Variants in KATNIP observed in about 807,000 individuals in gnomAD.
KATNIP encodes katanin interacting protein.
Under a neutral mutation model 174.0 loss-of-function variants are expected in KATNIP, and 126 were observed. The observed-to-expected ratio is 0.72, with a 90% CI of 0.63 to 0.84. The LOEUF (loss-of-function observed/expected upper bound fraction) is 0.84. Ranked by LOEUF, KATNIP falls within the 40% of genes least tolerant of loss-of-function variation. KATNIP has a pLI of 0.00. For missense variants in KATNIP, 1,958 were observed against 2,109.7 expected, an observed-to-expected ratio of 0.93 and a Z score of 1.41; for synonymous variants, 810 against 835.7, an observed-to-expected ratio of 0.97 and a Z score of 0.53.
Position 27,682,499 on chromosome 16 carries a change from G to A in KATNIP, c.940+969G>A, listed in dbSNP as rs534817824. On this transcript the variant is annotated intron_variant, in intron 8 of 27. Transcript: ENST00000261588. ...CTGGGGAGGATGCGAGGTGACCAAG[G>A]AAGAGACCAGGTGGTTCAAGATGTA... Among the ~76,000 whole-genome samples, 5 of 152,306 alleles carry A rather than the reference G, an allele frequency of 3.3e-5. No individual in the cohort carries two copies. The East Asian group carries it at 9.6e-4, about 29-fold the overall frequency.
At chr16:27,704,536 A>G (rs1415493393) in intron 12 of KATNIP, among the ~76,000 whole-genome samples, 3 of 152,214 alleles carry the variant, frequency 2.0e-5, no homozygotes, top group Non-Finnish European at 4.4e-5. Context: ...CACCCCACAG[A>G]ACTAAAAAGC....
intron 18 of KATNIP, chr16:27,755,004 C>T: frequency 6.6e-6 from 1 of 152,548 alleles, no homozygotes. Flanking sequence ...TCAGCCCCTC[C>T]CCGTCCTGGG....
chr16:27,761,601 A>G lies in KATNIP; in HGVS notation c.3809+11A>G, dbSNP rs201508272. 15 of 1,608,344 alleles carry G rather than the reference A, an allele frequency of 9.3e-6. No homozygotes were observed. The Admixed American group carries it at 2.3e-4, about 25-fold the overall frequency. ...CCGGGCCCTGGACAAGTAAGTGTCT[A>G]TCAGAAGCTTTACTTTCATGCCCAC... On this transcript the variant is annotated intron_variant, in intron 19 of 27. Coordinates refer to ENST00000261588, the MANE Select transcript of KATNIP (RefSeq NM_015202.5).
chr16:27,619,855 A>G (rs933965085), intron 3 of KATNIP, among the ~76,000 whole-genome samples: 3 of 152,090 alleles, frequency 2.0e-5, no homozygotes, highest in South Asian at 2.1e-4. Flanking sequence ...CCATCCCCAC[A>G]TCAACCTCAA....
chr16:27,604,245 C>T (rs949274873), intron 2 of KATNIP, among the ~76,000 whole-genome samples: 1 of 152,002 alleles, frequency 6.6e-6, no homozygotes, highest in South Asian at 2.1e-4. Flanking sequence ...ACTACAGGCA[C>T]ATGCCATCAT....
At chr16:27,561,413 G>A (rs779978984) in intron 1 of KATNIP, among the ~76,000 whole-genome samples, 3 of 152,054 alleles carry the variant, frequency 2.0e-5, no homozygotes, top group East Asian at 3.9e-4. Flanking sequence ...CCTGTTCCCC[G>A]CAGCTGCTTC....
In KATNIP at chr16:27,740,738, G is replaced by T. The variant is rs1419802675; in HGVS notation, c.2441G>T (p.Trp814Leu). The T allele has an allele frequency of 4.3e-6, 7 of 1,614,052 alleles. No homozygotes were observed. The highest frequency in any genetic ancestry group is 5.9e-6 in the Non-Finnish European group (7 of 1,180,036). The change falls in exon 15 of 28, where the codon TGG becomes TTG. Residue 814 changes from tryptophan (W) to leucine (L), a missense_variant. Trp to Leu is a moderately conservative substitution (Grantham distance 61). Transcript: ENST00000261588. ...RDKGLRHEPG[W>L]GTSRSVNTKE... The stretch of plus-strand genomic sequence containing the variant: ...AAAGGCCTACGGCATGAGCCAGGGT[G>T]GGGGACCAGCCGGAGTGTCAACACC...
intron 5 of KATNIP, among the ~76,000 whole-genome samples, chr16:27,642,777 T>C (rs2076841178): frequency 6.6e-6 from 1 of 150,630 alleles, no homozygotes; most frequent in Non-Finnish European, 1.5e-5. Flanking sequence ...AAATTTTTTT[T>C]TTTTTTTTTT....
rs1002950106 is a variant in KATNIP at position 27,780,334 on chromosome 16, C to T, written c.*1705C>T. 1 of 152,056 alleles carries T rather than the reference C, an allele frequency of 6.6e-6. No homozygotes were observed. Among genetic ancestry groups the T allele is most frequent in the African/African-American group, 2.4e-5 (1 of 41,382 alleles). 9.4% of individuals were successfully genotyped at this position (152,056 alleles called of 1,614,324 possible). On this transcript the variant is annotated 3_prime_UTR_variant, in exon 28 of 28. Transcript: ENST00000261588. ...TCTAAAATAAATTTCTATTTTTTTCCTCTTGCAAAATTAATAAAAGATGTT... is the reference window on the plus strand; with the variant it reads ...TCTAAAATAAATTTCTATTTTTTTCTTCTTGCAAAATTAATAAAAGATGTT...
At chr16:27,706,526 G>A (rs1445742367) in intron 12 of KATNIP, among the ~76,000 whole-genome samples, 4 of 152,318 alleles carry the variant, frequency 2.6e-5, no homozygotes, top group Non-Finnish European at 2.9e-5. Context: ...CAGGGGCCAG[G>A]AACTTCCCAG....
intron 11 of KATNIP, 53 bp downstream of exon 11, chr16:27,701,748 G>A (rs1039360698): frequency 8.9e-6 from 11 of 1,231,468 alleles, no homozygotes; most frequent in Non-Finnish European, 1.3e-5. Context: ...GCAGCCATGG[G>A]GATCTTCTTC....
At chr16:27,684,371 T>A (rs1486398982) in intron 8 of KATNIP, among the ~76,000 whole-genome samples, 2 of 152,272 alleles carry the variant, frequency 1.3e-5, no homozygotes, top group East Asian at 3.9e-4. Context: ...TAAACTATTA[T>A]TTGCTTAATT....
intron 1 of KATNIP, among the ~76,000 whole-genome samples, chr16:27,563,510 T>A (rs1027912395): frequency 6.6e-6 from 1 of 151,430 alleles, no homozygotes; most frequent in African/African-American, 2.4e-5. Flanking sequence ...AGAGCAAGGT[T>A]CCTTCTCTAA....
intron 15 of KATNIP, among the ~76,000 whole-genome samples, chr16:27,744,719 C>T (rs949478282): frequency 6.6e-6 from 1 of 151,726 alleles, no homozygotes; most frequent in Non-Finnish European, 1.5e-5. Flanking sequence ...ACCGTCTCTA[C>T]TAAAAATACA....
rs541480304 is a variant in KATNIP at position 27,597,865 on chromosome 16, A to G, written c.64-20560A>G. On this transcript the variant is annotated intron_variant, in intron 2 of 27. Transcript: ENST00000261588. ...TAGAGCAAAGCACAGGGAAGGGGCT[A>G]TGGGTTGGAAGGTGGGACCAGGAAG... Among the ~76,000 whole-genome samples, 4 of 152,222 alleles carry G rather than the reference A, an allele frequency of 2.6e-5. No homozygotes were observed. The East Asian group carries it at 5.8e-4, about 22-fold the overall frequency.
chr16:27,575,868 G>T (rs1211457324), intron 2 of KATNIP, among the ~76,000 whole-genome samples: 1 of 152,206 alleles, frequency 6.6e-6, no homozygotes, highest in Non-Finnish European at 1.5e-5. Context: ...CAGTCTAGGG[G>T]CAAAGCCAGG....
At chr16:27,667,436 T>C (rs2077724752) in intron 6 of KATNIP, among the ~76,000 whole-genome samples, 1 of 152,176 alleles carries the variant, frequency 6.6e-6, no homozygotes, top group Admixed American at 6.5e-5. Flanking sequence ...AATATGAATG[T>C]GTAAAATGCC....
intron 5 of KATNIP, among the ~76,000 whole-genome samples, chr16:27,645,800 G>A (rs1206495966): frequency 2.6e-5 from 4 of 152,170 alleles, no homozygotes; most frequent in East Asian, 1.9e-4. Context: ...AGTCTCTCCT[G>A]ATTACCAGGA....
At chr16:27,570,881 G>T (rs1022284317) in intron 1 of KATNIP, among the ~76,000 whole-genome samples, 3 of 152,196 alleles carry the variant, frequency 2.0e-5, no homozygotes, top group African/African-American at 7.2e-5. Context: ...GAGAAAGGGA[G>T]GGACACGGAG....
Sources: allele counts gnomAD v4.1 joint callset (sites outside exome capture counted in the v4.1 genomes callset), GRCh38; gene constraint gnomAD v4.1.1; transcripts MANE v1.5; gene names NCBI Gene and HGNC (gene_info 2026-07-23, HGNC 2026-07-21).